The following HDAC9 variants were observed in gnomAD, a reference collection of about 807,000 sequenced individuals.
The protein encoded by HDAC9 is histone deacetylase 9, also known as MEF-2 interacting transcription repressor (MITR) protein.
Under a neutral mutation model 139.4 loss-of-function variants are expected in HDAC9, and 41 were observed. That is an observed-to-expected ratio of 0.29 (90% CI 0.23 to 0.38). The LOEUF is 0.38. Ranked by LOEUF, HDAC9 falls within the 10% of genes least tolerant of loss-of-function variation. The pLI, the probability that HDAC9 is intolerant of heterozygous loss-of-function variation, is 1.00. For missense variants in HDAC9, 1,147 were observed against 1,297.0 expected, an observed-to-expected ratio of 0.88 and a Z score of 1.78; for synonymous variants, 517 against 476.2, an observed-to-expected ratio of 1.09 and a Z score of -1.12.
chr7:18,185,914 C>T (rs1012854888), intron 2 of HDAC9, among the ~76,000 whole-genome samples: 3 of 152,070 alleles, frequency 2.0e-5, no homozygotes, highest in African/African-American at 7.2e-5. Context: ...TCATTCTGGG[C>T]CTATGTTGCT....
chr7:18,579,294 A>T (rs1395835421), intron 2 of HDAC9, among the ~76,000 whole-genome samples: 3 of 152,222 alleles, frequency 2.0e-5, no homozygotes, highest in African/African-American at 7.2e-5. Context: ...TTTCTGCAGA[A>T]TTTGCAGTAA....
intron 21 of HDAC9, among the ~76,000 whole-genome samples, chr7:18,870,178 T>C (rs1465380773): frequency 2.0e-5 from 3 of 152,170 alleles, no homozygotes; most frequent in Admixed American, 2.0e-4. Context: ...AATGCTCTTA[T>C]CTAAACTACA....
rs187522315 is a variant in HDAC9, at chr7:18,255,331, T to C, written c.25+92982T>C. ...ATGGCAGAGTGAGATTCTTTTTAGG[T>C]TGGAGAGCCGGGCAAGACAACATCA... On this transcript the variant is annotated intron_variant, in intron 2 of 12. Coordinates refer to the HDAC9 transcript ENST00000417496. Among the ~76,000 whole-genome samples the C allele has an allele frequency of 8.3e-4, 126 of 152,270 alleles. 2 individuals are homozygous for C. The Middle Eastern group carries it at 0.014, about 16-fold the overall frequency.
intron 6 of HDAC9, among the ~76,000 whole-genome samples, chr7:18,620,065 C>T (rs1303807323): frequency 6.6e-6 from 1 of 152,158 alleles, no homozygotes; most frequent in Non-Finnish European, 1.5e-5. Context: ...GGAGTTGCCT[C>T]AGCACTTAAC....
rs112022170 is a variant in HDAC9 at position 18,481,368 on chromosome 7, C to T, written c.-41-14894C>T. 1.9e-3 allele frequency among the ~76,000 whole-genome samples: 291 copies of T among 152,208 alleles called. 1 individual carries two copies. The highest frequency in any genetic ancestry group is 5.7e-3 in the African/African-American group (236 of 41,524). On this transcript the variant is annotated intron_variant, in intron 1 of 3. Coordinates refer to the HDAC9 transcript ENST00000413509. ...GCAATTATTGTGTTATTGCTGCATA[C>T]GTGTACTGTTACAGGTCTAATGTTT...
At chr7:18,342,134 G>T (rs1462923832) in intron 1 of HDAC9, among the ~76,000 whole-genome samples, 2 of 151,776 alleles carry the variant, frequency 1.3e-5, no homozygotes, top group East Asian at 3.9e-4. Flanking sequence ...TCAGTACCCT[G>T]CTGATTTTTC....
At chr7:18,532,406 T>A (rs974995487) in intron 2 of HDAC9, among the ~76,000 whole-genome samples, 1 of 152,202 alleles carries the variant, frequency 6.6e-6, no homozygotes, top group African/African-American at 2.4e-5. Context: ...ATTAATGCAT[T>A]TGATTATTTC....
intron 24 of HDAC9, among the ~76,000 whole-genome samples, chr7:18,973,403 A>G (rs1464090584): frequency 6.6e-6 from 1 of 152,204 alleles, no homozygotes; most frequent in African/African-American, 2.4e-5. Context: ...TATTTTATGT[A>G]ACTCATTACA....
intron 22 of HDAC9, among the ~76,000 whole-genome samples, chr7:18,910,836 T>C (rs1266818576): frequency 6.6e-6 from 1 of 151,966 alleles, no homozygotes; most frequent in African/African-American, 2.4e-5. Flanking sequence ...TATGCTTTTG[T>C]ATTCATTTTG....
intron 2 of HDAC9, among the ~76,000 whole-genome samples, chr7:18,243,867 G>A (rs1199375710): frequency 6.6e-6 from 1 of 152,202 alleles, no homozygotes; most frequent in African/African-American, 2.4e-5. Context: ...AGCAAGATTA[G>A]GGAGGCAAGA....
chr7:18,735,538 T>C (rs893839040), intron 13 of HDAC9, among the ~76,000 whole-genome samples: 1 of 152,210 alleles, frequency 6.6e-6, no homozygotes, highest in Admixed American at 6.5e-5. Context: ...AAAGATCAGA[T>C]GTTTGTAGAT....
chr7:18,797,530 TA>T (rs1252997392), intron 17 of HDAC9, among the ~76,000 whole-genome samples: 4 of 152,160 alleles, frequency 2.6e-5, no homozygotes, highest in Admixed American at 6.6e-5. Context: ...TAATCTATTA[TA>T]TTTTTTTAAA....
intron 6 of HDAC9, among the ~76,000 whole-genome samples, chr7:18,594,759 T>A (rs974364297): frequency 1.3e-5 from 2 of 152,114 alleles, no homozygotes; most frequent in Admixed American, 6.6e-5. Context: ...TAGATATACA[T>A]ATAAATAGCA....
At chr7:18,632,243 C>T (rs1782576290) in intron 7 of HDAC9, among the ~76,000 whole-genome samples, 1 of 151,918 alleles carries the variant, frequency 6.6e-6, no homozygotes, top group African/African-American at 2.4e-5. Context: ...GATATATAGA[C>T]AGAAAGGCAG....
chr7:18,309,471 GA>G (rs1194940641), intron 1 of HDAC9, among the ~76,000 whole-genome samples: 2 of 151,822 alleles, frequency 1.3e-5, no homozygotes, highest in African/African-American at 4.8e-5. Flanking sequence ...TTGTGAGTTA[GA>G]AAAAAAATGG....
intron 22 of HDAC9, among the ~76,000 whole-genome samples, chr7:18,922,346 T>C (rs1483382715): frequency 6.6e-6 from 1 of 152,092 alleles, no homozygotes; most frequent in African/African-American, 2.4e-5. Flanking sequence ...TTATTTATAA[T>C]GTAATGATAG....
At chr7:18,291,181 C>G (rs116462305) in intron 1 of HDAC9, among the ~76,000 whole-genome samples, 1,711 of 152,158 alleles carry the variant, frequency 0.011, 38 homozygotes, top group African/African-American at 0.04. Context: ...AAGGCTCATA[C>G]CAGCTCAGCA....
intron 1 of HDAC9, among the ~76,000 whole-genome samples, chr7:18,112,504 C>T (rs1783691950): frequency 2.0e-5 from 3 of 152,014 alleles, no homozygotes; most frequent in Admixed American, 1.3e-4. Flanking sequence ...AGAGAAGTTC[C>T]GATATACACA....
In HDAC9 at chr7:18,164,108, G is replaced by T. The variant is rs143953060; in HGVS notation, c.25+1759G>T. Among the ~76,000 whole-genome samples, 442 of 152,266 alleles carry T rather than the reference G, an allele frequency of 2.9e-3. 2 individuals carry two copies. Among genetic ancestry groups the T allele is most frequent in the Non-Finnish European group, 4.9e-3 (336 of 68,024 alleles). On this transcript the variant is annotated intron_variant, in intron 2 of 12. Coordinates refer to the HDAC9 transcript ENST00000417496. The stretch of plus-strand genomic sequence containing the variant: ...TTCTTATAAATCATTCTGCTGTGTT[G>T]ACAATAACATTATGCAGAAGTCTCA...
Sources: allele counts gnomAD v4.1 joint callset (sites outside exome capture counted in the v4.1 genomes callset), GRCh38; gene constraint gnomAD v4.1.1; transcripts MANE v1.5; gene names NCBI Gene and HGNC (gene_info 2026-07-23, HGNC 2026-07-21).